Variants in MSRA observed in about 807,000 individuals in gnomAD.
MSRA encodes methionine sulfoxide reductase A.
Under a neutral mutation model 31.3 loss-of-function variants are expected in MSRA, and 54 were observed. That is an observed-to-expected ratio of 1.73 (90% CI 1.39 to 2.17). The LOEUF is 2.17. Ranked by LOEUF, MSRA falls within the 30% of genes most tolerant of loss-of-function variation. The pLI, the probability that MSRA is intolerant of heterozygous loss-of-function variation, is 0.00. For synonymous variants in MSRA, 169 were observed against 116.5 expected, an observed-to-expected ratio of 1.45 and a Z score of -2.90; for missense variants, 507 against 300.9, an observed-to-expected ratio of 1.69 and a Z score of -5.07.
intron 2 of MSRA, among the ~76,000 whole-genome samples, chr8:10,218,171 G>T (rs929474592): frequency 2.7e-5 from 4 of 149,002 alleles, no homozygotes; most frequent in South Asian, 4.3e-4. Flanking sequence ...TTTTGAGAAA[G>T]AGTCTCACTC....
At chr8:10,423,135 C>T (rs1238804393) in intron 5 of MSRA, among the ~76,000 whole-genome samples, 1 of 152,192 alleles carries the variant, frequency 6.6e-6, no homozygotes, top group Non-Finnish European at 1.5e-5. Context: ...TGGGTCCTCC[C>T]CATGGACGAC....
chr8:10,054,763 C>G (rs762666835), intron 1 of MSRA, 105 bp downstream of exon 1: 1,375 of 1,258,294 alleles, frequency 1.1e-3, no homozygotes, highest in Non-Finnish European at 1.3e-3. Context: ...GGGCTGGCCT[C>G]GGGCGGGTCG....
intron 2 of MSRA, among the ~76,000 whole-genome samples, chr8:10,241,837 G>A (rs527691770): frequency 4.3e-4 from 65 of 152,308 alleles, no homozygotes; most frequent in Non-Finnish European, 2.1e-4. Context: ...TGTCCTCTGA[G>A]GACGGTTGTG....
In MSRA at chr8:10,401,418, T is replaced by C. The variant is rs191687295; in HGVS notation, c.544-26730T>C. 1.7e-3 allele frequency among the ~76,000 whole-genome samples: 264 copies of C among 152,146 alleles called. 2 individuals carry two copies. The highest frequency in any genetic ancestry group is 6.2e-3 in the African/African-American group (257 of 41,484). ...ACAAAACAAAACAGAGAATAATAAG[T>C]GTTGGTGAGGATGTGGAGAAATTGG... is the stretch of plus-strand genomic sequence containing the variant. On this transcript the variant is annotated intron_variant, in intron 5 of 5. Transcript: ENST00000317173.
At chr8:10,388,282 T>C (rs1806517285) in intron 5 of MSRA, among the ~76,000 whole-genome samples, 2 of 152,192 alleles carry the variant, frequency 1.3e-5, no homozygotes, top group African/African-American at 4.8e-5. Flanking sequence ...TGTTGCAGAC[T>C]TGAGGCTGTG....
intron 3 of MSRA, among the ~76,000 whole-genome samples, chr8:10,277,712 GCTAT>G (rs940560224): frequency 6.6e-5 from 10 of 152,000 alleles, no homozygotes; most frequent in Non-Finnish European, 1.3e-4. Flanking sequence ...AAAATAAATG[GCTAT>G]CTAATTTACG....
Position 10,355,002 on chromosome 8 carries a change from A to G in MSRA, c.543+35013A>G, listed in dbSNP as rs954079083. 2.6e-5 allele frequency among the ~76,000 whole-genome samples: 4 copies of G among 152,296 alleles called. No individual in the cohort carries two copies. In the South Asian group the frequency reaches 6.2e-4, roughly 24 times the overall value. ...GTTCCCAGAAGAGGAATGGCTACAT[A>G]TATGCATGTGCAAACTTTATGGCTT... On this transcript the variant is annotated intron_variant, in intron 5 of 5. Coordinates refer to ENST00000317173, the MANE Select transcript of MSRA (RefSeq NM_012331.5).
rs1002583404 is a variant in MSRA, at chr8:10,183,001, A to C, written c.143-24832A>C. ...ATAATACTGTGTAGACCAAGTCTTT[A>C]AAATAGCACATTCCATGAGCCAACC... On this transcript the variant is annotated intron_variant, in intron 1 of 5. Coordinates refer to ENST00000317173, the MANE Select transcript of MSRA (RefSeq NM_012331.5). Among the ~76,000 whole-genome samples, 5 of 152,200 alleles carry C rather than the reference A, an allele frequency of 3.3e-5. No homozygotes were observed. The South Asian group carries it at 8.3e-4, about 25-fold the overall frequency.
intron 5 of MSRA, among the ~76,000 whole-genome samples, chr8:10,352,683 G>C (rs2129159551): frequency 6.6e-6 from 1 of 152,222 alleles, no homozygotes; most frequent in South Asian, 2.1e-4. Flanking sequence ...AGATTGAGCT[G>C]CACATTTCCC....
chr8:10,150,799 C>G (rs1474166328), intron 1 of MSRA, among the ~76,000 whole-genome samples: 1 of 152,210 alleles, frequency 6.6e-6, no homozygotes, highest in African/African-American at 2.4e-5. Context: ...TCTTCAGCTC[C>G]TGCATGTCCC....
intron 2 of MSRA, among the ~76,000 whole-genome samples, chr8:10,222,467 A>C (rs1005130979): frequency 5.3e-5 from 8 of 152,198 alleles, no homozygotes; most frequent in Non-Finnish European, 8.8e-5. Context: ...AAAATTTACA[A>C]CAAGACTATT....
chr8:10,126,607 G>C (rs1452454742), intron 1 of MSRA, among the ~76,000 whole-genome samples: 1 of 152,132 alleles, frequency 6.6e-6, no homozygotes, highest in East Asian at 1.9e-4. Flanking sequence ...CTGCCTCCTG[G>C]GTTCAAGCAA....
At chr8:10,363,073 G>T (rs550984266) in intron 5 of MSRA, among the ~76,000 whole-genome samples, 1 of 152,292 alleles carries the variant, frequency 6.6e-6, no homozygotes, top group East Asian at 1.9e-4. Flanking sequence ...GTTCCCATTT[G>T]GTGGTTGGTG....
At chr8:10,160,417 C>T (rs1432975052) in intron 1 of MSRA, among the ~76,000 whole-genome samples, 1 of 151,724 alleles carries the variant, frequency 6.6e-6, no homozygotes, top group Non-Finnish European at 1.5e-5. Flanking sequence ...ATCGTTTGAA[C>T]CCAGGAGGCA....
At chr8:10,067,200 C>G (rs886901015) in intron 1 of MSRA, among the ~76,000 whole-genome samples, 1 of 152,182 alleles carries the variant, frequency 6.6e-6, no homozygotes, top group Non-Finnish European at 1.5e-5. Flanking sequence ...GAACCCCTTG[C>G]AACCACTGAA....
At chr8:10,309,257 C>A (rs1801302962) in intron 4 of MSRA, among the ~76,000 whole-genome samples, 1 of 152,224 alleles carries the variant, frequency 6.6e-6, no homozygotes, top group African/African-American at 2.4e-5. Flanking sequence ...AGTGAGTGAA[C>A]CTCTGTTTCT....
rs201838406 is a variant in MSRA, at chr8:10,405,725, ACAAT to A, written c.544-22420_544-22417del. On this transcript the variant is annotated intron_variant, in intron 5 of 5. Coordinates refer to ENST00000317173, the MANE Select transcript of MSRA (RefSeq NM_012331.5). ...CATACACAACCATGTGCTCACACAC[ACAAT>A]CACACACGTGTGTTCACACACACCC... Among the ~76,000 whole-genome samples, 466 of 152,308 alleles carry A rather than the reference ACAAT, an allele frequency of 3.1e-3. 4 individuals carry two copies. Among genetic ancestry groups the A allele is most frequent in the African/African-American group, 9.0e-3 (375 of 41,564 alleles).
intron 5 of MSRA, among the ~76,000 whole-genome samples, chr8:10,402,213 C>G (rs1021581236): frequency 6.6e-6 from 1 of 152,196 alleles, no homozygotes; most frequent in African/African-American, 2.4e-5. Flanking sequence ...TTCATCCCCT[C>G]CCACCTCTAA....
At chr8:10,412,997 A>T (rs1398191007) in intron 5 of MSRA, among the ~76,000 whole-genome samples, 1 of 152,254 alleles carries the variant, frequency 6.6e-6, no homozygotes, top group Non-Finnish European at 1.5e-5. Flanking sequence ...ACGAGAAATA[A>T]GACGACACAA....
Sources: allele counts gnomAD v4.1 joint callset (sites outside exome capture counted in the v4.1 genomes callset), GRCh38; gene constraint gnomAD v4.1.1; transcripts MANE v1.5; gene names NCBI Gene and HGNC (gene_info 2026-07-23, HGNC 2026-07-21).